The following CCAR1 variants were observed in gnomAD, a reference collection of about 807,000 sequenced individuals.
The protein encoded by CCAR1 is cell division cycle and apoptosis regulator 1.
In CCAR1, 78 loss-of-function variants were observed where a neutral mutation model predicts 163.8. The observed-to-expected ratio is 0.48, with a 90% confidence interval of 0.40 to 0.57. CCAR1 has a LOEUF of 0.57. CCAR1 is among the 20% of genes least tolerant of loss of function. CCAR1 has a pLI of 0.00. For synonymous variants in CCAR1, 443 were observed against 460.7 expected (o/e 0.96, Z 0.49); for missense variants, 1,019 against 1,365.2 (o/e 0.75, Z 4.00).
At chr10:68,779,598 A>G (rs1483853210) in intron 19 of CCAR1, among the ~76,000 whole-genome samples, 1 of 152,182 alleles carries the variant, frequency 6.6e-6, no homozygotes, top group Admixed American at 6.5e-5. Flanking sequence ...TAAATTTTTA[A>G]ATGAAAGGTA....
chr10:68,773,631 A>G (rs929593500), intron 19 of CCAR1, among the ~76,000 whole-genome samples: 2 of 151,702 alleles, frequency 1.3e-5, no homozygotes, highest in African/African-American at 4.8e-5. Flanking sequence ...GTGCCATTGC[A>G]CTCCAGTCTG....
rs995997905 is a variant in CCAR1, at chr10:68,756,142, AT to A, written c.1626-122del. On this transcript the variant is annotated intron_variant, in intron 13 of 24. Transcript: ENST00000265872. The surrounding 1 kb of genome is among the most constrained non-coding windows in gnomAD (Gnocchi z 5.1). ...CAAAAGAGGAACTATGGCTTCTATA[AT>A]TTTTTTTTCTTTAGACCAACCTCAA... 39 of 625,060 alleles carry A rather than the reference AT, an allele frequency of 6.2e-5. No individual in the cohort carries two copies. Among genetic ancestry groups the A allele is most frequent in the African/African-American group, 1.1e-4 (6 of 53,948 alleles). The allele number at this position is 625,060 out of a possible 1,614,324, so 38.7% of individuals were successfully genotyped here. A position where few individuals can be genotyped will look rare whatever the true frequency, so the allele number is the denominator to read the frequency against.
chr10:68,749,285 C>T lies in CCAR1; in HGVS notation c.956+20C>T. 6.3e-7 allele frequency: 1 copy of T among 1,591,730 alleles called. No individual in the cohort carries two copies. The highest frequency in any genetic ancestry group is 8.5e-7 in the Non-Finnish European group (1 of 1,170,918). On this transcript the variant is annotated intron_variant, in intron 9 of 24. Coordinates refer to ENST00000265872, the MANE Select transcript of CCAR1 (RefSeq NM_018237.4). ...TCGAAGGTATATTTTCTAAAGTGTA[C>T]TGTGGATGGTGGCAATGGTTGTACA...
At position 68,756,985 on chromosome 10, in the gene CCAR1, T is replaced by G. The variant is rs2133366751; in HGVS notation, c.1837-309T>G. Among the ~76,000 whole-genome samples, 1 of 152,346 alleles carries G rather than the reference T, an allele frequency of 6.6e-6. No homozygotes were observed. Among genetic ancestry groups the G allele is most frequent in the African/African-American group, 2.4e-5 (1 of 41,588 alleles). ...ATCAGTCTTTGGGTGGCTTGAAAAT[T>G]GAGGCAAGATCACACACTGTGTGGT... On this transcript the variant is annotated intron_variant, in intron 14 of 24. Coordinates refer to ENST00000265872, the MANE Select transcript of CCAR1 (RefSeq NM_018237.4). The surrounding 1 kb of genome is among the most constrained non-coding windows in gnomAD (Gnocchi z 5.1).
At chr10:68,736,740 A>C in intron 2 of CCAR1, 136 bp from the exon 3 acceptor site, 2 of 649,230 alleles carry the variant, frequency 3.1e-6, no homozygotes, top group South Asian at 5.2e-5. Flanking sequence ...ACTTAGGTTG[A>C]TTCCATATCT....
In CCAR1 at chr10:68,722,561, T is replaced by G; in HGVS notation, c.57T>G (p.Thr19=). The G allele has an allele frequency of 3.1e-6, 5 of 1,612,916 alleles. No individual in the cohort carries two copies. Among genetic ancestry groups the G allele is most frequent in the Non-Finnish European group, 4.2e-6 (5 of 1,178,894 alleles). The change falls in exon 2 of 25, where the codon ACT becomes ACG. Residue 19 remains threonine, a synonymous_variant. Coordinates refer to ENST00000265872, the MANE Select transcript of CCAR1 (RefSeq NM_018237.4). ...CATGGGCTACTCAGTTTACAGCCAC[T>G]GCAGTATCACAGCCAGGTCAGGCTT... ...NPPWATQFTA[T]AVSQPAALGV...
chr10:68,772,237 C>T (rs2056612945), intron 18 of CCAR1, among the ~76,000 whole-genome samples: 1 of 152,034 alleles, frequency 6.6e-6, no homozygotes, highest in South Asian at 2.1e-4. Flanking sequence ...AATCCCAGCA[C>T]ATTGGGAGTC....
chr10:68,782,851 GA>G (rs1029872568), intron 19 of CCAR1, among the ~76,000 whole-genome samples: 3 of 151,996 alleles, frequency 2.0e-5, no homozygotes, highest in Non-Finnish European at 4.4e-5. Context: ...GATCTGCTCA[GA>G]AAAAAAGATT....
chr10:68,785,003 C>T (rs1405201695), intron 19 of CCAR1, among the ~76,000 whole-genome samples: 6 of 150,586 alleles, frequency 4.0e-5, no homozygotes, highest in Non-Finnish European at 5.9e-5. Context: ...CTACAAGCTC[C>T]GCCTCCTGGG....
rs1255032534 is a variant in CCAR1 at position 68,791,278 on chromosome 10, T to C, written c.*12T>C. 2 of 1,564,528 alleles carry C rather than the reference T, an allele frequency of 1.3e-6. No homozygotes were observed. Among genetic ancestry groups the C allele is most frequent in the Non-Finnish European group, 1.8e-6 (2 of 1,141,946 alleles). ...GTGCCAGTGTATGATAAAATCCATGTAGTGATGAGGAATGGTGTTAAATAA... is the reference window on the plus strand; with the variant it reads ...GTGCCAGTGTATGATAAAATCCATGCAGTGATGAGGAATGGTGTTAAATAA... On this transcript the variant is annotated 3_prime_UTR_variant, in exon 25 of 25. Coordinates refer to ENST00000265872, the MANE Select transcript of CCAR1 (RefSeq NM_018237.4).
chr10:68,792,089 A>C lies in CCAR1; in HGVS notation c.*823A>C, dbSNP rs2056856945. 1 of 152,118 alleles carries C rather than the reference A, an allele frequency of 6.6e-6. No individual in the cohort carries two copies. Among genetic ancestry groups the C allele is most frequent in the Non-Finnish European group, 1.5e-5 (1 of 68,074 alleles). The allele number at this position is 152,118 out of a possible 1,614,324, so 9.4% of individuals were successfully genotyped here. The stretch of plus-strand genomic sequence containing the variant: ...TCCATCTCAAAAAGAAAAAAAAAAA[A>C]AATCAGTTTATTTGAAAGACAGTAT... On this transcript the variant is annotated 3_prime_UTR_variant, in exon 25 of 25. Transcript: ENST00000265872.
At position 68,786,053 on chromosome 10, in the gene CCAR1, G is replaced by A. The variant is rs1020717449; in HGVS notation, c.2651-83G>A. 3.3e-5 allele frequency: 29 copies of A among 873,784 alleles called. 1 individual carries two copies. The highest frequency in any genetic ancestry group is 2.8e-4 in the South Asian group (19 of 68,344). The allele number at this position is 873,784 out of a possible 1,614,324, so 54.1% of individuals were successfully genotyped here. The stretch of plus-strand genomic sequence containing the variant: ...GAACGCCTGGCCCTCCTGAGTAGCT[G>A]GGATAACAGTCATGTGCCACTGTGC... On this transcript the variant is annotated intron_variant, in intron 19 of 24. Transcript: ENST00000265872.
intron 2 of CCAR1, among the ~76,000 whole-genome samples, chr10:68,735,391 T>C (rs1274409585): frequency 3.3e-4 from 50 of 149,894 alleles, no homozygotes; most frequent in Non-Finnish European, 5.2e-4. Flanking sequence ...TTTTTTTTTT[T>C]CCAATATTGA....
At position 68,753,948 on chromosome 10, in the gene CCAR1, C is replaced by T. The variant is rs770415773; in HGVS notation, c.1215C>T (p.Phe405=). 1.2e-6 allele frequency: 2 copies of T among 1,613,962 alleles called. No homozygotes were observed. The highest frequency in any genetic ancestry group is 1.1e-5 in the South Asian group (1 of 91,080). The change falls in exon 11 of 25, where the codon TTC becomes TTT. Residue 405 remains phenylalanine (F), a synonymous_variant. Coordinates refer to ENST00000265872, the MANE Select transcript of CCAR1 (RefSeq NM_018237.4). ...FDAQFTWVDA[F]PLSRPFQLGN... is the part of the protein sequence containing the mutation. Reference sequence around the variant, plus strand: ...CTCAATTTACATGGGTGGATGCTTTCCCTTTGTCAAGACCATTTCAGCTGG... The same window carrying T: ...CTCAATTTACATGGGTGGATGCTTTTCCTTTGTCAAGACCATTTCAGCTGG...
intron 13 of CCAR1, 24 bp downstream of exon 13, chr10:68,755,560 T>A: frequency 2.5e-6 from 4 of 1,587,400 alleles, no homozygotes; most frequent in Non-Finnish European, 3.4e-6. Flanking sequence ...CATTTCTTGA[T>A]TAGAAGTGTT....
chr10:68,786,582 G>C lies in CCAR1; in HGVS notation c.2770G>C (p.Asp924His). The change falls in exon 21 of 25, where the codon GAT (aspartate) becomes CAT (histidine). Residue 924 changes from aspartate (D) to histidine (H), a missense_variant. By Grantham distance (81) the Asp-to-His change is moderately conservative. Transcript: ENST00000265872. The stretch of plus-strand genomic sequence containing the variant: ...GACTCAAATGATCACAATTAACAGA[G>C]ATCTGTTAATGGCTTTTGTTTATTT... ...EKTQMITINR[D>H]LLMAFVYFDQ... 6.3e-7 allele frequency: 1 copy of C among 1,587,874 alleles called. No homozygotes were observed. Among genetic ancestry groups the C allele is most frequent in the Non-Finnish European group, 8.6e-7 (1 of 1,165,868 alleles).
intron 10 of CCAR1, among the ~76,000 whole-genome samples, chr10:68,750,675 A>G (rs1589166020): frequency 6.6e-6 from 1 of 152,214 alleles, no homozygotes; most frequent in South Asian, 2.1e-4. Flanking sequence ...TTATGGTCGC[A>G]ACTTAGGTAA....
intron 6 of CCAR1, among the ~76,000 whole-genome samples, chr10:68,746,003 C>T (rs1167979814): frequency 1.3e-5 from 2 of 151,810 alleles, no homozygotes; most frequent in Non-Finnish European, 1.5e-5. Flanking sequence ...GATGGAGTCT[C>T]GCTCTGTCGC....
At chr10:68,737,742 A>G in intron 3 of CCAR1, 103 bp from the exon 4 acceptor site, 2 of 564,878 alleles carry the variant, frequency 3.5e-6, no homozygotes, top group South Asian at 2.5e-5. Context: ...CAGAAAGTTT[A>G]TGTTTAGTGT....
Sources: allele counts gnomAD v4.1 joint callset (sites outside exome capture counted in the v4.1 genomes callset), GRCh38; gene constraint gnomAD v4.1.1; non-coding constraint Gnocchi (gnomAD v3.1); transcripts MANE v1.5; gene names NCBI Gene and HGNC (gene_info 2026-07-23, HGNC 2026-07-21).